The following IL17F variants were observed in gnomAD, a reference collection of about 807,000 sequenced individuals.
IL17F encodes the protein interleukin 17F.
A neutral mutation model predicts 8.3 loss-of-function variants in IL17F; 6 were observed. The observed-to-expected ratio is 0.73, with a 90% confidence interval of 0.40 to 1.43. The LOEUF (loss-of-function observed/expected upper bound fraction) is 1.43, where lower values mean the gene tolerates loss of function less well. IL17F is among the 40% of genes most tolerant of loss of function. IL17F has a pLI of 0.02. For synonymous variants in IL17F, 98 were observed against 81.6 expected (o/e 1.20, Z -1.08); for missense variants, 204 against 209.6 (o/e 0.97, Z 0.17).
At chr6:52,239,063 C>T (rs899084389) in intron 1 of IL17F, 113 bp from the exon 2 acceptor site, 2 of 917,728 alleles carry the variant, frequency 2.2e-6, no homozygotes, top group South Asian at 1.4e-5. Flanking sequence ...CAGGGCTTCT[C>T]TTTGCACCTC....
At chr6:52,243,767 A>G (rs535661989) in intron 1 of IL17F, among the ~76,000 whole-genome samples, 8 of 151,402 alleles carry the variant, frequency 5.3e-5, no homozygotes, top group Middle Eastern at 3.4e-3. Context: ...GAGGAGCTGC[A>G]TTTTTTTTTC....
At chr6:52,239,075 G>T in intron 1 of IL17F, 125 bp from the exon 2 acceptor site, 1 of 830,830 alleles carries the variant, frequency 1.2e-6, no homozygotes, top group Non-Finnish European at 2.0e-6. Context: ...TTGCACCTCA[G>T]TTCCTCACCT....
chr6:52,244,487 G>A lies in IL17F; in HGVS notation c.-58C>T, dbSNP rs373475271. The stretch of plus-strand genomic sequence containing the variant: ...TCTTTCTGTGAATGTATCTTCCTGT[G>A]TATGCCTGTGTTCTATCAATGAGAG... On this transcript the variant is annotated 5_prime_UTR_variant, in exon 1 of 3. Coordinates refer to ENST00000336123, the MANE Select transcript of IL17F (RefSeq NM_052872.4). 9 of 1,513,366 alleles carry A rather than the reference G, an allele frequency of 5.9e-6. No homozygotes were observed. The highest frequency in any genetic ancestry group is 1.7e-5 in the Admixed American group (1 of 59,880). The allele number at this position is 1,513,366 out of a possible 1,614,324, so 93.7% of individuals were successfully genotyped here.
rs1185101821 is a variant in IL17F at position 52,243,529 on chromosome 6, G to C, written c.33+868C>G. On this transcript the variant is annotated intron_variant, in intron 1 of 2. Transcript: ENST00000336123. ...CCAGGGCACTCCTGTAATCTCAGGG[G>C]AATCATTAAACCTCTTGAGGCCCCA... Among the ~76,000 whole-genome samples the C allele has an allele frequency of 3.3e-5, 5 of 152,158 alleles. No individual in the cohort carries two copies. The East Asian group carries it at 9.6e-4, about 29-fold the overall frequency.
intron 1 of IL17F, 133 bp downstream of exon 1, chr6:52,244,264 C>A: frequency 1.1e-6 from 1 of 906,262 alleles, no homozygotes; most frequent in South Asian, 1.3e-5. Flanking sequence ...AGACAGGAGT[C>A]AAAATTAAAG....
In IL17F at chr6:52,237,112, T is replaced by C. The variant is rs1763979089; in HGVS notation, c.311A>G (p.Asn104Ser). 2 of 1,614,184 alleles carry C rather than the reference T, an allele frequency of 1.2e-6. No homozygotes were observed. Among genetic ancestry groups the C allele is most frequent in the Non-Finnish European group, 1.7e-6 (2 of 1,180,030 alleles). The change falls in exon 3 of 3, where the codon AAC becomes AGC. Residue 104 changes from asparagine (N) to serine (S), a missense_variant. Physicochemically the swap from Asn to Ser is conservative, Grantham distance 46. Transcript: ENST00000336123. ...PSEVVQAQCR[N>S]LGCINAQGKE... is the part of the protein sequence containing the mutation. ...TCCTTGAGCATTGATGCAGCCCAAG[T>C]TCCTACACTGGGCCTGTACAACTTC...
intron 2 of IL17F, among the ~76,000 whole-genome samples, chr6:52,237,494 C>CATTATT (rs151027959): frequency 2.0e-5 from 3 of 151,984 alleles, no homozygotes; most frequent in Non-Finnish European, 4.4e-5. Context: ...CTTTCATTGG[C>CATTATT]ATTATTATTA....
At chr6:52,240,707 G>T (rs567215167) in intron 1 of IL17F, among the ~76,000 whole-genome samples, 1 of 152,164 alleles carries the variant, frequency 6.6e-6, no homozygotes, top group African/African-American at 2.4e-5. Flanking sequence ...TCAGAATGAG[G>T]CTGATTTGCC....
At chr6:52,244,352 C>G in intron 1 of IL17F, 45 bp downstream of exon 1, 1 of 1,591,068 alleles carries the variant, frequency 6.3e-7, no homozygotes, top group Non-Finnish European at 8.6e-7. Flanking sequence ...TTTCTGAAAT[C>G]CTAGGCATGA....
intron 2 of IL17F, 69 bp from the exon 3 acceptor site, chr6:52,237,237 C>A: frequency 1.7e-6 from 2 of 1,195,340 alleles, no homozygotes; most frequent in Non-Finnish European, 2.5e-6. Flanking sequence ...GAGAGCCCCA[C>A]AGCACTGAGT....
chr6:52,240,473 T>G (rs192890817), intron 1 of IL17F, among the ~76,000 whole-genome samples: 1 of 148,080 alleles, frequency 6.8e-6, no homozygotes, highest in African/African-American at 2.5e-5. Flanking sequence ...TGAAAATAAG[T>G]TGCTTTTATT....
At chr6:52,244,159 T>A (rs1199997776) in intron 1 of IL17F, among the ~76,000 whole-genome samples, 2 of 152,104 alleles carry the variant, frequency 1.3e-5, no homozygotes, top group Non-Finnish European at 1.5e-5. Flanking sequence ...CCTCCTAAAG[T>A]GCTGGGATTA....
intron 1 of IL17F, 49 bp from the exon 2 acceptor site, chr6:52,238,999 T>G: frequency 6.7e-7 from 1 of 1,483,050 alleles, no homozygotes; most frequent in Non-Finnish European, 9.4e-7. Context: ...CCTCACCTAC[T>G]AGCAAGAGAT....
upstream of IL17F, chr6:52,244,550 G>A (rs777606955): frequency 1.5e-5 from 14 of 937,320 alleles, no homozygotes; most frequent in South Asian, 2.7e-5. Context: ...CCCCTGTTTC[G>A]ATTGACCTGC....
upstream of IL17F, chr6:52,244,599 C>T (rs903133400): frequency 1.2e-5 from 8 of 648,228 alleles, no homozygotes; most frequent in Admixed American, 7.9e-5. Flanking sequence ...GAGTTACTGA[C>T]GAATGCAGGG....
chr6:52,238,224 C>A (rs1175781180), intron 2 of IL17F, among the ~76,000 whole-genome samples: 1 of 152,168 alleles, frequency 6.6e-6, no homozygotes, highest in East Asian at 1.9e-4. Flanking sequence ...TGAGGGAGTG[C>A]TTGGTCTTCC....
chr6:52,239,821 G>A (rs903910001), intron 1 of IL17F, among the ~76,000 whole-genome samples: 2 of 152,088 alleles, frequency 1.3e-5, no homozygotes, highest in Non-Finnish European at 2.9e-5. Flanking sequence ...AAAACATTAC[G>A]CAAAACCAAC....
At chr6:52,237,190 G>A (rs765086960) in intron 2 of IL17F, 22 bp from the exon 3 acceptor site, 2 of 1,577,576 alleles carry the variant, frequency 1.3e-6, no homozygotes, top group South Asian at 2.2e-5. Flanking sequence ...GCAAGCCAAA[G>A]CACAATGGTG....
chr6:52,244,281 C>T, intron 1 of IL17F, 116 bp downstream of exon 1: 1 of 995,030 alleles, frequency 1.0e-6, no homozygotes, highest in Non-Finnish European at 1.6e-6. Context: ...AAAGTCATCT[C>T]TGTTTTTTAA....
Sources: allele counts gnomAD v4.1 joint callset (sites outside exome capture counted in the v4.1 genomes callset), GRCh38; gene constraint gnomAD v4.1.1; transcripts MANE v1.5; gene names NCBI Gene and HGNC (gene_info 2026-07-23, HGNC 2026-07-21).